ARK2N: variants seen among roughly 807,000 people sequenced by gnomAD.
ARK2N encodes protein ARK2N.
At chr18:46,185,234 T>G in the ARK2N span, among the ~76,000 whole-genome samples, 3 of 152,216 alleles carry the variant, frequency 2.0e-5, no homozygotes, top group African/African-American at 7.2e-5. Flanking sequence ...CCTGTTTTCA[T>G]GGGAGATGCA....
the ARK2N span, among the ~76,000 whole-genome samples, chr18:46,205,064 C>T: frequency 1.3e-5 from 2 of 151,986 alleles, no homozygotes; most frequent in Admixed American, 6.6e-5. Flanking sequence ...CCCACGACCA[C>T]GCCTGGCTAA....
At chr18:46,256,526 T>C in the ARK2N span, among the ~76,000 whole-genome samples, 1 of 152,234 alleles carries the variant, frequency 6.6e-6, no homozygotes, top group Non-Finnish European at 1.5e-5. Context: ...ACAATCCCTA[T>C]TCTACACTTG....
chr18:46,245,020 T>G, the ARK2N span, among the ~76,000 whole-genome samples: 1 of 151,942 alleles, frequency 6.6e-6, no homozygotes, highest in African/African-American at 2.4e-5. Context: ...AGCATCTGCC[T>G]CCTCGTTCAA....
At chr18:46,203,031 CATT>C in the ARK2N span, among the ~76,000 whole-genome samples, 1 of 152,068 alleles carries the variant, frequency 6.6e-6, no homozygotes, top group Non-Finnish European at 1.5e-5. Context: ...GACTCTCAGA[CATT>C]GTTGGCAGGA....
At chr18:46,193,346 A>G in the ARK2N span, among the ~76,000 whole-genome samples, 50 of 149,102 alleles carry the variant, frequency 3.4e-4, no homozygotes, top group South Asian at 0.011. Context: ...CTGGAGTGCA[A>G]TGGCATGATC....
the ARK2N span, chr18:46,239,969 C>T: frequency 7.5e-6 from 12 of 1,591,152 alleles, no homozygotes; most frequent in South Asian, 2.2e-5. Context: ...TCACCCCACA[C>T]GTTAGATACA....
At chr18:46,188,481 C>T in the ARK2N span, among the ~76,000 whole-genome samples, 5 of 151,994 alleles carry the variant, frequency 3.3e-5, no homozygotes, top group African/African-American at 4.8e-5. Context: ...GGATTACAGG[C>T]GTGAGCCGCG....
the ARK2N span, among the ~76,000 whole-genome samples, chr18:46,181,080 T>G: frequency 5.3e-5 from 8 of 151,920 alleles, no homozygotes; most frequent in South Asian, 2.1e-4. Context: ...GCCAACATGA[T>G]GAAACCGTGT....
chr18:46,264,083 C>T, the ARK2N span: 13 of 152,418 alleles, frequency 8.5e-5, no homozygotes, highest in East Asian at 7.7e-4. Context: ...GTTTAACATC[C>T]GAGATGAAGT....
chr18:46,204,104 C>G, the ARK2N span, among the ~76,000 whole-genome samples: 1 of 132,632 alleles, frequency 7.5e-6, no homozygotes, highest in Admixed American at 7.5e-5. Flanking sequence ...TTTTTATGTT[C>G]TTTTTTTTTT....
the ARK2N span, among the ~76,000 whole-genome samples, chr18:46,257,719 G>A: frequency 6.6e-6 from 1 of 151,728 alleles, no homozygotes; most frequent in African/African-American, 2.4e-5. Context: ...GACCTCATTG[G>A]TAATTGCTCT....
chr18:46,233,156 C>G, the ARK2N span, among the ~76,000 whole-genome samples: 1 of 151,942 alleles, frequency 6.6e-6, no homozygotes, highest in Non-Finnish European at 1.5e-5. Flanking sequence ...AGTCAAGATT[C>G]TTTTTCTTTA....
At chr18:46,183,833 T>A in the ARK2N span, among the ~76,000 whole-genome samples, 1,903 of 152,194 alleles carry the variant, frequency 0.013, 47 homozygotes, top group African/African-American at 0.043. Flanking sequence ...TTTAAAAAAA[T>A]TTTTTTCTGA....
At chr18:46,180,440 C>G in the ARK2N span, among the ~76,000 whole-genome samples, 1 of 152,234 alleles carries the variant, frequency 6.6e-6, no homozygotes, top group East Asian at 1.9e-4. Context: ...GGCACGGTGG[C>G]TCACGCCTGT....
At chr18:46,234,449 T>G in the ARK2N span, among the ~76,000 whole-genome samples, 1 of 152,166 alleles carries the variant, frequency 6.6e-6, no homozygotes, top group Admixed American at 6.5e-5. Flanking sequence ...TCCACCCACC[T>G]CGGCCTCCCA....
the ARK2N span, among the ~76,000 whole-genome samples, chr18:46,182,351 G>A: frequency 6.6e-6 from 1 of 152,130 alleles, no homozygotes; most frequent in South Asian, 2.1e-4. Context: ...TTTATCTTGG[G>A]ACCTCAGTTC....
the ARK2N span, among the ~76,000 whole-genome samples, chr18:46,236,204 G>C: frequency 6.6e-6 from 1 of 152,054 alleles, no homozygotes. Context: ...GTAGAAATGG[G>C]GTTTTGCTGT....
At chr18:46,203,267 A>G in the ARK2N span, among the ~76,000 whole-genome samples, 1 of 152,222 alleles carries the variant, frequency 6.6e-6, no homozygotes, top group Non-Finnish European at 1.5e-5. Flanking sequence ...GAATGGATAG[A>G]TAAATTGTGA....
At chr18:46,199,696 C>A in the ARK2N span, among the ~76,000 whole-genome samples, 1 of 152,034 alleles carries the variant, frequency 6.6e-6, no homozygotes, top group African/African-American at 2.4e-5. Flanking sequence ...TACATTGTTG[C>A]TTATCTGTTG....
Sources: gnomAD v4.1 joint callset for allele counts (sites outside exome capture counted in the v4.1 genomes callset) on GRCh38, gnomAD v4.1.1 for gene constraint, MANE v1.5 for transcripts, NCBI Gene and HGNC (gene_info 2026-07-23, HGNC 2026-07-21) for gene names.